DLG2: variants seen among roughly 807,000 people sequenced by gnomAD.
The protein encoded by DLG2 is disks large homolog 2.
Under a neutral mutation model 132.5 loss-of-function variants are expected in DLG2, and 45 were observed. The ratio of observed to expected loss-of-function variants is 0.34; its 90% confidence interval spans 0.27 to 0.44. DLG2 has a LOEUF of 0.44. Among genes scored for constraint, DLG2 ranks in the 20% least tolerant of loss-of-function variants. The probability of loss-of-function intolerance (pLI) is 1.00; values close to 1 mark genes in which losing one functional copy is unlikely to be tolerated. For missense variants in DLG2, 1,045 were observed against 1,196.9 expected (o/e 0.87, Z 1.87); for synonymous variants, 424 against 419.6 (o/e 1.01, Z -0.13).
chr11:83,601,510 CTTTTT>C (rs71066054), intron 19 of DLG2, among the ~76,000 whole-genome samples: 4,454 of 94,518 alleles, frequency 0.047, 195 homozygotes, highest in African/African-American at 0.17. Context: ...ATGTGATGTT[CTTTTT>C]TTTTTTTTTT....
chr11:84,060,563 T>G (rs1270902464), intron 10 of DLG2, among the ~76,000 whole-genome samples: 11 of 150,968 alleles, frequency 7.3e-5, no homozygotes, highest in Admixed American at 7.3e-4. Context: ...CATTTTCACA[T>G]GGAAAGGAAT....
chr11:85,528,444 T>G (rs1354415359), intron 3 of DLG2, among the ~76,000 whole-genome samples: 1 of 152,186 alleles, frequency 6.6e-6, no homozygotes, highest in Non-Finnish European at 1.5e-5. Flanking sequence ...CTAAATTTCA[T>G]TCATCATTAG....
chr11:85,518,222 G>A (rs374262052), intron 3 of DLG2, among the ~76,000 whole-genome samples: 1 of 152,278 alleles, frequency 6.6e-6, no homozygotes, highest in East Asian at 1.9e-4. Context: ...AAAGTTTGGA[G>A]GGCTCAAAGA....
intron 4 of DLG2, among the ~76,000 whole-genome samples, chr11:85,276,517 A>G (rs571006056): frequency 3.4e-4 from 52 of 152,260 alleles, no homozygotes; most frequent in Non-Finnish European, 7.4e-4. Flanking sequence ...AGGGAAGAGT[A>G]TGGAACTGTA....
intron 4 of DLG2, among the ~76,000 whole-genome samples, chr11:85,278,642 T>C (rs999069090): frequency 6.6e-6 from 1 of 152,038 alleles, no homozygotes; most frequent in African/African-American, 2.4e-5. Context: ...TATTTATAAG[T>C]ATCAGGTTTT....
intron 3 of DLG2, among the ~76,000 whole-genome samples, chr11:85,551,528 T>C (rs1260367976): frequency 6.6e-6 from 1 of 152,054 alleles, no homozygotes; most frequent in African/African-American, 2.4e-5. Context: ...ATTATGCATA[T>C]AACTCCTTTA....
intron 3 of DLG2, among the ~76,000 whole-genome samples, chr11:85,343,061 T>A (rs770446865): frequency 1.3e-5 from 2 of 152,252 alleles, no homozygotes; most frequent in Non-Finnish European, 2.9e-5. Context: ...TCTACCTTTA[T>A]ATGTCAATAA....
intron 16 of DLG2, among the ~76,000 whole-genome samples, chr11:83,856,391 C>A (rs2060539713): frequency 6.6e-6 from 1 of 152,138 alleles, no homozygotes; most frequent in African/African-American, 2.4e-5. Flanking sequence ...GACTCTAGGT[C>A]TCTGAGGAAT....
chr11:83,528,042 G>C (rs1021882878), intron 21 of DLG2, among the ~76,000 whole-genome samples: 8 of 152,254 alleles, frequency 5.3e-5, no homozygotes, highest in South Asian at 2.1e-4. Flanking sequence ...AAATTTAATA[G>C]ACATTCCCAG....
intron 18 of DLG2, among the ~76,000 whole-genome samples, chr11:83,760,360 A>G (rs1371834131): frequency 6.6e-6 from 1 of 152,242 alleles, no homozygotes; most frequent in Admixed American, 6.5e-5. Flanking sequence ...ACTTAGCTGC[A>G]TAGTGCAAAA....
chr11:84,205,496 A>G (rs2096653407), intron 8 of DLG2, among the ~76,000 whole-genome samples: 1 of 152,132 alleles, frequency 6.6e-6, no homozygotes, highest in Non-Finnish European at 1.5e-5. Context: ...AACAAATCTC[A>G]ATAAATTTCA....
At chr11:85,171,434 G>A (rs535127364) in intron 4 of DLG2, among the ~76,000 whole-genome samples, 7 of 152,254 alleles carry the variant, frequency 4.6e-5, no homozygotes, top group South Asian at 2.1e-4. Context: ...GAGCCAATGC[G>A]ACCAGGGCCT....
intron 19 of DLG2, among the ~76,000 whole-genome samples, chr11:83,580,375 T>C (rs1477728873): frequency 4.6e-5 from 7 of 151,970 alleles, no homozygotes; most frequent in African/African-American, 1.7e-4. Context: ...AAAAAAAACA[T>C]TTATTGAGCA....
chr11:84,265,192 T>C (rs545857576), intron 7 of DLG2, among the ~76,000 whole-genome samples: 1 of 152,272 alleles, frequency 6.6e-6, no homozygotes, highest in South Asian at 2.1e-4. Flanking sequence ...AATGTAGCCA[T>C]ATATGAGGAC....
intron 15 of DLG2, among the ~76,000 whole-genome samples, chr11:83,892,081 C>T (rs535805611): frequency 1.4e-4 from 22 of 152,266 alleles, no homozygotes; most frequent in African/African-American, 4.6e-4. Context: ...ACTATTTATA[C>T]TCCAAAGGTA....
chr11:84,773,411 A>C (rs530889377), intron 6 of DLG2, among the ~76,000 whole-genome samples: 8 of 152,184 alleles, frequency 5.3e-5, no homozygotes, highest in African/African-American at 1.9e-4. Flanking sequence ...ACTCCTCCCT[A>C]ACTCATTCTA....
chr11:84,849,666 AG>A (rs1400966295), intron 6 of DLG2, among the ~76,000 whole-genome samples: 1 of 152,108 alleles, frequency 6.6e-6, no homozygotes, highest in Non-Finnish European at 1.5e-5. Context: ...TTCCTCAGAC[AG>A]GTCTTTCTTA....
At chr11:84,900,469 A>T (rs1830814568) in intron 6 of DLG2, among the ~76,000 whole-genome samples, 1 of 152,072 alleles carries the variant, frequency 6.6e-6, no homozygotes, top group South Asian at 2.1e-4. Flanking sequence ...ATGAAAAGTA[A>T]CTAGAGAATC....
At chr11:84,980,363 T>A (rs772677331) in intron 6 of DLG2, among the ~76,000 whole-genome samples, 1 of 152,158 alleles carries the variant, frequency 6.6e-6, no homozygotes, top group Non-Finnish European at 1.5e-5. Flanking sequence ...TATCTTCTAC[T>A]CTTAAAACTT....
Sources: gnomAD v4.1 joint callset for allele counts (sites outside exome capture counted in the v4.1 genomes callset) on GRCh38, gnomAD v4.1.1 for gene constraint, MANE v1.5 for transcripts, NCBI Gene and HGNC (gene_info 2026-07-23, HGNC 2026-07-21) for gene names.